Variants in ARHGAP8 observed in about 807,000 individuals in gnomAD.
The protein encoded by ARHGAP8 is rho GTPase-activating protein 8.
ARHGAP8 carries 62 observed loss-of-function variants against 46.1 expected under a neutral mutation model. The observed-to-expected ratio is 1.34, with a 90% CI of 1.10 to 1.66. ARHGAP8 has a LOEUF of 1.66. Among genes scored for constraint, ARHGAP8 ranks in the 40% most tolerant of loss-of-function variants. The pLI is 0.00. For synonymous variants in ARHGAP8, 375 were observed against 243.1 expected (o/e 1.54, Z -5.05); for missense variants, 923 against 568.4 (o/e 1.62, Z -6.34).
chr22:44,857,304 G>C (rs2070254904), intron 10 of ARHGAP8, among the ~76,000 whole-genome samples: 1 of 152,158 alleles, frequency 6.6e-6, no homozygotes, highest in Non-Finnish European at 1.5e-5. Flanking sequence ...GCAGCTCCCA[G>C]ACCAAGTGAG....
intron 3 of ARHGAP8, among the ~76,000 whole-genome samples, chr22:44,803,796 C>T (rs565982677): frequency 1.6e-4 from 24 of 147,290 alleles, no homozygotes; most frequent in Non-Finnish European, 3.1e-4. Context: ...GGAACACACC[C>T]CCTCCTGTGC....
chr22:44,773,978 A>G (rs1452201347), intron 1 of ARHGAP8, among the ~76,000 whole-genome samples: 3 of 152,248 alleles, frequency 2.0e-5, no homozygotes, highest in Non-Finnish European at 4.4e-5. Context: ...ATGCTGGGCA[A>G]TTGACTGCAT....
At chr22:44,787,676 A>C (rs1033744290) in intron 2 of ARHGAP8, among the ~76,000 whole-genome samples, 1 of 152,034 alleles carries the variant, frequency 6.6e-6, no homozygotes, top group African/African-American at 2.4e-5. Context: ...CTGAGCATGC[A>C]TTTCTCCCAT....
rs67748773 is a variant in ARHGAP8, at chr22:44,858,369, G to GTTT, written c.878-1349_878-1347dup. 5.6e-4 allele frequency among the ~76,000 whole-genome samples: 80 copies of GTTT among 142,042 alleles called. 1 individual carries two copies. Among genetic ancestry groups the GTTT allele is most frequent in the African/African-American group, 2.0e-3 (74 of 37,894 alleles). 93.2% of individuals were successfully genotyped at this position (142,042 alleles called of 152,430 possible). On this transcript the variant is annotated intron_variant, in intron 10 of 11. Transcript: ENST00000356099. The stretch of plus-strand genomic sequence containing the variant: ...GGTGAATACTTGTTGGTTGGTGGTG[G>GTTT]TTTTTTTTTTTTTTTGAGATGGAGT...
intron 2 of ARHGAP8, chr22:44,801,702 T>G: frequency 1.3e-5 from 3 of 231,490 alleles, no homozygotes; most frequent in Admixed American, 5.2e-5. Flanking sequence ...CCCAGAATCA[T>G]GGGGTGGGGG....
At chr22:44,783,573 G>T (rs935158070) in intron 1 of ARHGAP8, among the ~76,000 whole-genome samples, 2 of 152,066 alleles carry the variant, frequency 1.3e-5, no homozygotes, top group East Asian at 1.9e-4. Flanking sequence ...CCTCCCCTAG[G>T]TCTCTCTCCT....
Position 44,862,059 on chromosome 22 carries a change from C to T in ARHGAP8, c.982-216C>T, listed in dbSNP as rs566726561. 4.6e-5 allele frequency among the ~76,000 whole-genome samples: 7 copies of T among 152,318 alleles called. No individual in the cohort carries two copies. In the East Asian group the frequency reaches 1.2e-3, roughly 25 times the overall value. ...CACAGAAGGTCAGAGCCAGAGGGTC[C>T]TCCAGGACATGGAGGCCAAGCCTTC... On this transcript the variant is annotated intron_variant, in intron 11 of 11. Transcript: ENST00000356099.
Position 44,860,797 on chromosome 22 carries a change from A to C in ARHGAP8, c.981+963A>C, listed in dbSNP as rs927568362. ...ACACATCCACGTGGGTCCACCCCCA[A>C]CCCCCAGACCCACGGCCTTGAATGT... On this transcript the variant is annotated intron_variant, in intron 11 of 11. Coordinates refer to ENST00000356099, the MANE Select transcript of ARHGAP8 (RefSeq NM_181335.3). 6.6e-5 allele frequency among the ~76,000 whole-genome samples: 10 copies of C among 151,910 alleles called. No homozygotes were observed. In the East Asian group the frequency reaches 7.7e-4, roughly 12 times the overall value.
intron 5 of ARHGAP8, among the ~76,000 whole-genome samples, chr22:44,817,423 T>G (rs1389189344): frequency 6.6e-6 from 1 of 152,240 alleles, no homozygotes; most frequent in Non-Finnish European, 1.5e-5. Flanking sequence ...TGTTTGTGTT[T>G]AACCAGGCCC....
At chr22:44,763,706 A>G (rs1378706304) in intron 1 of ARHGAP8, among the ~76,000 whole-genome samples, 1 of 151,884 alleles carries the variant, frequency 6.6e-6, no homozygotes, top group Non-Finnish European at 1.5e-5. Context: ...GAGTTTTGGC[A>G]GGAGAAGGGG....
chr22:44,814,362 A>C (rs985803576), intron 4 of ARHGAP8, among the ~76,000 whole-genome samples: 4 of 152,102 alleles, frequency 2.6e-5, no homozygotes, highest in Non-Finnish European at 4.4e-5. Context: ...AGCTGTTGCC[A>C]AATTGCCCCC....
intron 7 of ARHGAP8, 44 bp from the exon 8 acceptor site, chr22:44,845,225 T>G (rs769614176): frequency 1.2e-6 from 2 of 1,612,452 alleles, no homozygotes; most frequent in East Asian, 4.5e-5. Flanking sequence ...TGATCACCCA[T>G]CAAGCTCAGG....
rs933017110 is a variant in ARHGAP8, at chr22:44,820,192, A to C, written c.387-2179A>C. On this transcript the variant is annotated intron_variant, in intron 5 of 11. Transcript: ENST00000356099. ...ACGCCGTGTTGGGAGCCCCTGGCTG[A>C]GCTGGCCTGTGGGCCCTTTCCCGAG... Among the ~76,000 whole-genome samples the C allele has an allele frequency of 3.3e-5, 5 of 152,328 alleles. No individual in the cohort carries two copies. The South Asian group carries it at 8.3e-4, about 25-fold the overall frequency.
At chr22:44,814,894 G>A (rs111404288) in intron 5 of ARHGAP8, 136 bp downstream of exon 5, 49 of 1,020,178 alleles carry the variant, frequency 4.8e-5, no homozygotes, top group African/African-American at 2.4e-4. Flanking sequence ...CTCCCTACCC[G>A]CCCTGGGGTC....
At chr22:44,844,128 C>T (rs548234727) in intron 7 of ARHGAP8, among the ~76,000 whole-genome samples, 10 of 152,060 alleles carry the variant, frequency 6.6e-5, no homozygotes, top group Admixed American at 3.9e-4. Flanking sequence ...TGCATCACCA[C>T]GCCTGGCTAA....
At chr22:44,757,078 G>A (rs1375575609) in intron 1 of ARHGAP8, among the ~76,000 whole-genome samples, 2 of 151,978 alleles carry the variant, frequency 1.3e-5, no homozygotes, top group Non-Finnish European at 2.9e-5. Context: ...CACCCTGCCT[G>A]GTTAATTTTT....
intron 4 of ARHGAP8, chr22:44,809,194 C>T (rs1929165103): frequency 6.4e-6 from 3 of 470,798 alleles, no homozygotes; most frequent in Non-Finnish European, 1.3e-5. Context: ...TGCAACAACT[C>T]TGCTGGACTG....
intron 7 of ARHGAP8, among the ~76,000 whole-genome samples, chr22:44,829,947 C>T (rs1339040146): frequency 1.3e-5 from 2 of 151,776 alleles, no homozygotes; most frequent in Non-Finnish European, 2.9e-5. Flanking sequence ...AGGTACAGGG[C>T]AGAGCTTGAG....
chr22:44,818,295 A>G (rs1182757395), intron 5 of ARHGAP8, among the ~76,000 whole-genome samples: 1 of 152,024 alleles, frequency 6.6e-6, no homozygotes, highest in Admixed American at 6.6e-5. Context: ...CTAAAAATAC[A>G]AAAATCAGCT....
Sources: gnomAD v4.1 joint callset for allele counts (sites outside exome capture counted in the v4.1 genomes callset) on GRCh38, gnomAD v4.1.1 for gene constraint, MANE v1.5 for transcripts, NCBI Gene and HGNC (gene_info 2026-07-23, HGNC 2026-07-21) for gene names.